DNAJC2: variants seen among roughly 807,000 people sequenced by gnomAD.
The protein encoded by DNAJC2 is DnaJ heat shock protein family (Hsp40) member C2, also known as dnaJ homolog subfamily C member 2.
Under a neutral mutation model 94.0 loss-of-function variants are expected in DNAJC2, and 32 were observed. That is an observed-to-expected ratio of 0.34 (90% confidence interval 0.26 to 0.46). DNAJC2 has a LOEUF of 0.46. Ranked by LOEUF, DNAJC2 falls within the 20% of genes least tolerant of loss-of-function variation. The probability of loss-of-function intolerance (pLI) is 1.00; values close to 1 mark genes in which losing one functional copy is unlikely to be tolerated. For missense variants in DNAJC2, 550 were observed against 719.5 expected (o/e 0.76, Z 2.69); for synonymous variants, 210 against 229.7 (o/e 0.91, Z 0.77).
rs557810300 is a variant in DNAJC2 at position 103,319,929 on chromosome 7, G to A, written c.1084-85C>T. Reference sequence around the variant, plus strand: ...ACAAAGCTGTAATCCCAGCTACTCGGGAGGCTGAGGCAGGAGAATCGCTTG... The same window carrying A: ...ACAAAGCTGTAATCCCAGCTACTCGAGAGGCTGAGGCAGGAGAATCGCTTG... On this transcript the variant is annotated intron_variant, in intron 10 of 16. Transcript: ENST00000379263. 74 of 1,438,742 alleles carry A rather than the reference G, an allele frequency of 5.1e-5. No individual in the cohort carries two copies. The East Asian group carries it at 1.4e-3, about 28-fold the overall frequency. 89.1% of individuals were successfully genotyped at this position (1,438,742 alleles called of 1,614,324 possible). A position where few individuals can be genotyped will look rare whatever the true frequency, so the allele number is the denominator to read the frequency against.
intron 15 of DNAJC2, chr7:103,313,852 G>C (rs1817896930): frequency 1.0e-6 from 1 of 985,362 alleles, no homozygotes; most frequent in Non-Finnish European, 1.2e-6. Context: ...TTAAGTGGTA[G>C]AAAGCTGATT....
At position 103,326,549 on chromosome 7, in the gene DNAJC2, T is replaced by C. The variant is rs756865722; in HGVS notation, c.566A>G (p.Asn189Ser). Residue 189 changes from asparagine to serine, a missense_variant, in exon 5 of 17, where the codon AAT (asparagine) becomes AGT (serine). Physicochemically the swap from Asn to Ser is conservative, Grantham distance 46. Transcript: ENST00000379263. ...FEVFTPVFERNSRWSNKKNVP... is the reference protein window; with the variant it reads ...FEVFTPVFERSSRWSNKKNVP... ...AAGGGATGCCTTAACTTACCTGGAA[T>C]TCCTTTCAAACACTGGGGTAAACAC... The C allele has an allele frequency of 1.2e-6, 2 of 1,613,922 alleles. No homozygotes were observed. The highest frequency in any genetic ancestry group is 8.5e-7 in the Non-Finnish European group (1 of 1,179,922).
chr7:103,315,811 C>G lies in DNAJC2; in HGVS notation c.1589G>C (p.Gly530Ala). Residue 530 changes from glycine (G) to alanine (A), a missense_variant, in exon 15 of 17, where the codon GGA becomes GCA. Physicochemically the swap from Gly to Ala is moderately conservative, Grantham distance 60 (BLOSUM62 0). Transcript: ENST00000379263. ...TGCGTTGTCTGCTTGAGGTACCACTCCATGTTCTTTTTTGAACTTATCAAA... is the reference window on the plus strand; with the variant it reads ...TGCGTTGTCTGCTTGAGGTACCACTGCATGTTCTTTTTTGAACTTATCAAA... ...KAFDKFKKEH[G>A]VVPQADNATP... The G allele has an allele frequency of 6.2e-7, 1 of 1,613,780 alleles. No individual in the cohort carries two copies. Among genetic ancestry groups the G allele is most frequent in the Non-Finnish European group, 8.5e-7 (1 of 1,179,880 alleles).
chr7:103,324,400 T>C (rs894504977), intron 6 of DNAJC2, 82 bp downstream of exon 6: 19 of 1,230,854 alleles, frequency 1.5e-5, no homozygotes, highest in Admixed American at 3.2e-5. Flanking sequence ...CCATCTGAAT[T>C]AATTTATAAA....
At chr7:103,340,955 T>C (rs1389798262) in intron 2 of DNAJC2, among the ~76,000 whole-genome samples, 2 of 152,196 alleles carry the variant, frequency 1.3e-5, no homozygotes, top group East Asian at 3.8e-4. Flanking sequence ...CATCCCAGCA[T>C]TGGTTACTGA....
chr7:103,312,637 C>G lies in DNAJC2; in HGVS notation c.1798G>C (p.Val600Leu). 1 of 1,613,196 alleles carries G rather than the reference C, an allele frequency of 6.2e-7. No individual in the cohort carries two copies. The change falls in exon 17 of 17, where the codon GTC (valine) becomes CTC (leucine). Residue 600 changes from valine to leucine, a missense_variant. Val to Leu is a conservative substitution (Grantham distance 32, BLOSUM62 1). Transcript: ENST00000379263. ...GCTTTCTTTGCTTTTACCATCTCGACAAGTTCCTAGGAAGGGAGAAAGGTG... is the reference window on the plus strand; with the variant it reads ...GCTTTCTTTGCTTTTACCATCTCGAGAAGTTCCTAGGAAGGGAGAAAGGTG... Reference protein sequence around the residue: ...KDCMKRYKELVEMVKAKKAAQ... With the variant: ...KDCMKRYKELLEMVKAKKAAQ...
intron 3 of DNAJC2, among the ~76,000 whole-genome samples, chr7:103,328,507 T>G (rs1329460981): frequency 6.6e-6 from 1 of 151,978 alleles, no homozygotes; most frequent in African/African-American, 2.4e-5. Flanking sequence ...GGTGCATGCC[T>G]GTGGTCCCAG....
rs1818019929 is a variant in DNAJC2 at position 103,315,821 on chromosome 7, T to C, written c.1579A>G (p.Lys527Glu). The change falls in exon 15 of 17, where the codon AAA (lysine) becomes GAA (glutamate). Residue 527 changes from lysine (K) to glutamate (E), a missense_variant. Physicochemically the swap from Lys to Glu is moderately conservative, Grantham distance 56. This residue lies in a region of DNAJC2 where 271 missense variants were observed against 302.6 expected (regional missense o/e 0.90). Coordinates refer to ENST00000379263, the MANE Select transcript of DNAJC2 (RefSeq NM_014377.3). ...INKKAFDKFK[K>E]EHGVVPQADN... Reference sequence around the variant, plus strand: ...GCTTGAGGTACCACTCCATGTTCTTTTTTGAACTTATCAAATGCCTTTTTA... The same window carrying C: ...GCTTGAGGTACCACTCCATGTTCTTCTTTGAACTTATCAAATGCCTTTTTA... 1 of 1,613,796 alleles carries C rather than the reference T, an allele frequency of 6.2e-7. No individual in the cohort carries two copies. The highest frequency in any genetic ancestry group is 1.7e-5 in the Admixed American group (1 of 59,990).
intron 15 of DNAJC2, 67 bp from the exon 16 acceptor site, chr7:103,313,168 A>G: frequency 1.3e-6 from 2 of 1,519,068 alleles, no homozygotes; most frequent in Non-Finnish European, 1.8e-6. Context: ...CTTGTGGTCC[A>G]CAAGTATTCG....
chr7:103,332,285 G>GT (rs1287860508), intron 3 of DNAJC2, among the ~76,000 whole-genome samples: 4 of 152,162 alleles, frequency 2.6e-5, no homozygotes, highest in African/African-American at 9.7e-5. Flanking sequence ...GATTATAGGC[G>GT]TGAGCCACTG....
chr7:103,314,347 T>C, intron 15 of DNAJC2: 3 of 985,444 alleles, frequency 3.0e-6, no homozygotes, highest in Non-Finnish European at 3.6e-6. Context: ...GCCAGCTTGC[T>C]GTTTAATGGT....
chr7:103,315,640 A>C (rs970474389), intron 15 of DNAJC2, 124 bp downstream of exon 15: 3 of 601,218 alleles, frequency 5.0e-6, no homozygotes, highest in Middle Eastern at 3.3e-4. Flanking sequence ...ATGTTTGCTT[A>C]CAGCTTCCAG....
At chr7:103,325,969 G>C (rs1036737086) in intron 5 of DNAJC2, among the ~76,000 whole-genome samples, 6 of 152,106 alleles carry the variant, frequency 3.9e-5, no homozygotes, top group African/African-American at 7.2e-5. Context: ...CACTATAAAA[G>C]TCAGATACTG....
At chr7:103,335,957 C>T (rs975596095) in intron 3 of DNAJC2, 3 of 152,226 alleles carry the variant, frequency 2.0e-5, no homozygotes, top group Admixed American at 6.5e-5. Flanking sequence ...CACCTGAGGT[C>T]GGGAGTTCGA....
chr7:103,329,107 C>A, intron 3 of DNAJC2: 1 of 570,244 alleles, frequency 1.8e-6, no homozygotes, highest in Non-Finnish European at 2.7e-6. Flanking sequence ...GTTTTTCATC[C>A]TTTAACTGGA....
At chr7:103,320,013 A>G (rs952080649) in intron 10 of DNAJC2, among the ~76,000 whole-genome samples, 169 bp from the exon 11 acceptor site, 5 of 152,174 alleles carry the variant, frequency 3.3e-5, no homozygotes, top group African/African-American at 1.2e-4. Flanking sequence ...CAGCCTGGAC[A>G]ACAGAGCAAG....
chr7:103,322,906 C>G, intron 7 of DNAJC2, 112 bp from the exon 8 acceptor site: 1 of 853,064 alleles, frequency 1.2e-6, no homozygotes, highest in Admixed American at 2.6e-5. Context: ...GGTTAAAATG[C>G]TGTGTCATTA....
chr7:103,327,650 T>C lies in DNAJC2; in HGVS notation c.430+6A>G. On this transcript the variant is annotated splice_donor_region_variant and intron_variant, in intron 4 of 16. Transcript: ENST00000379263. ...AGAAATTCCTGACTCTAAAGCATTT[T>C]CTTACCTTTAGTTATGCAAGTGAAG... The C allele has an allele frequency of 6.4e-7, 1 of 1,562,068 alleles. No homozygotes were observed. Among genetic ancestry groups the C allele is most frequent in the Non-Finnish European group, 8.8e-7 (1 of 1,139,804 alleles).
intron 3 of DNAJC2, among the ~76,000 whole-genome samples, chr7:103,332,781 G>T (rs1269524783): frequency 6.6e-6 from 1 of 152,084 alleles, no homozygotes; most frequent in Middle Eastern, 3.4e-3. Flanking sequence ...GCACCACTAT[G>T]CCCAGCTAAT....
Sources: gnomAD v4.1 joint callset for allele counts (sites outside exome capture counted in the v4.1 genomes callset) on GRCh38, gnomAD v4.1.1 for gene constraint, gnomAD v4.1.1 regional missense constraint, MANE v1.5 for transcripts, NCBI Gene and HGNC (gene_info 2026-07-23, HGNC 2026-07-21) for gene names.